TOX: variants seen among roughly 807,000 people sequenced by gnomAD.
The protein encoded by TOX is thymocyte selection-associated high mobility group box protein TOX.
TOX carries 11 observed loss-of-function variants against 53.7 expected under a neutral mutation model. That is an observed-to-expected ratio of 0.20 (90% CI 0.13 to 0.34). TOX has a LOEUF of 0.34. TOX is among the 10% of genes least tolerant of loss of function. The pLI is 1.00. For missense variants in TOX, 570 were observed against 664.6 expected (o/e 0.86, Z 1.56); for synonymous variants, 225 against 245.3 (o/e 0.92, Z 0.77).
intron 1 of TOX, among the ~76,000 whole-genome samples, chr8:59,025,482 G>A (rs962218484): frequency 2.3e-4 from 8 of 35,370 alleles, no homozygotes; most frequent in African/African-American, 4.3e-4. Context: ...CAAAGTTTAC[G>A]TTCTTAGCCA....
chr8:58,911,182 A>G (rs1159990922), intron 3 of TOX, among the ~76,000 whole-genome samples: 1 of 152,096 alleles, frequency 6.6e-6, no homozygotes, highest in East Asian at 1.9e-4. Context: ...TTAATACAGG[A>G]TGACCCATTT....
chr8:58,912,595 G>C (rs538842643), intron 3 of TOX, among the ~76,000 whole-genome samples: 1 of 152,326 alleles, frequency 6.6e-6, no homozygotes, highest in African/African-American at 2.4e-5. Flanking sequence ...TGATTGAAAA[G>C]GTCTGGGATA....
intron 1 of TOX, among the ~76,000 whole-genome samples, chr8:59,042,870 TATC>T (rs1339365060): frequency 1.3e-5 from 2 of 152,206 alleles, no homozygotes; most frequent in African/African-American, 2.4e-5. Context: ...AATGTGATGT[TATC>T]ATATACAATG....
At chr8:58,967,192 G>A (rs1044921396) in intron 1 of TOX, among the ~76,000 whole-genome samples, 1 of 152,088 alleles carries the variant, frequency 6.6e-6, no homozygotes, top group African/African-American at 2.4e-5. Flanking sequence ...CTTTTAACTA[G>A]TATTAAGTAG....
chr8:59,055,224 G>C (rs1040898925), intron 1 of TOX, among the ~76,000 whole-genome samples: 1 of 152,142 alleles, frequency 6.6e-6, no homozygotes, highest in African/African-American at 2.4e-5. Flanking sequence ...CTGCAAACAG[G>C]CCCCAGGGGA....
At chr8:58,921,015 T>A (rs939839665) in intron 3 of TOX, among the ~76,000 whole-genome samples, 1 of 152,206 alleles carries the variant, frequency 6.6e-6, no homozygotes, top group African/African-American at 2.4e-5. Context: ...ATTGATCACA[T>A]TAAGTGTCCA....
intron 1 of TOX, among the ~76,000 whole-genome samples, chr8:59,068,488 G>A (rs1267479285): frequency 6.6e-5 from 10 of 151,076 alleles, no homozygotes; most frequent in Admixed American, 2.6e-4. Flanking sequence ...AAGAAGAGAT[G>A]GAGCAGAATA....
chr8:58,914,483 G>A (rs1003234874), intron 3 of TOX, among the ~76,000 whole-genome samples: 2 of 151,992 alleles, frequency 1.3e-5, no homozygotes, highest in Non-Finnish European at 2.9e-5. Flanking sequence ...CTCATTCAGG[G>A]GTATTTTTGC....
At chr8:58,975,180 GTA>G (rs140228550) in intron 1 of TOX, among the ~76,000 whole-genome samples, 5,481 of 151,376 alleles carry the variant, frequency 0.036, 302 homozygotes, top group African/African-American at 0.12. Context: ...AAATGTATAT[GTA>G]TATATGTGTG....
At chr8:58,991,210 G>A (rs1402122429) in intron 1 of TOX, among the ~76,000 whole-genome samples, 1 of 152,158 alleles carries the variant, frequency 6.6e-6, no homozygotes, top group African/African-American at 2.4e-5. Flanking sequence ...TTGTGGTGAC[G>A]ATAAAAATAG....
intron 6 of TOX, among the ~76,000 whole-genome samples, chr8:58,825,673 A>G (rs904584692): frequency 2.6e-5 from 4 of 152,228 alleles, no homozygotes; most frequent in African/African-American, 9.6e-5. Context: ...AAGCCCCGCT[A>G]TGTTTTTGGC....
chr8:58,826,971 A>G (rs1810376584), intron 5 of TOX, 69 bp from the exon 6 acceptor site: 1 of 1,259,240 alleles, frequency 7.9e-7, no homozygotes, highest in African/African-American at 1.5e-5. Flanking sequence ...AGTACAATAT[A>G]GAATGATAAC....
chr8:58,911,390 T>G (rs1339369462), intron 3 of TOX, among the ~76,000 whole-genome samples: 1 of 152,222 alleles, frequency 6.6e-6, no homozygotes, highest in Non-Finnish European at 1.5e-5. Context: ...ACCCCAAACT[T>G]TATTCCAATT....
intron 3 of TOX, among the ~76,000 whole-genome samples, chr8:58,902,087 A>G (rs908377106): frequency 6.6e-6 from 1 of 152,208 alleles, no homozygotes; most frequent in Non-Finnish European, 1.5e-5. Context: ...TATTTTATAA[A>G]TATTTCTATA....
In TOX at chr8:58,858,097, A is replaced by C. The variant is rs149826998; in HGVS notation, c.412-6292T>G. On this transcript the variant is annotated intron_variant, in intron 3 of 8. Transcript: ENST00000361421. ...TTGGATTTTCTTTGAAAAGCAAAAG[A>C]AAAATAAAAACCCTGTGCTCATCTC... 3.6e-3 allele frequency among the ~76,000 whole-genome samples: 548 copies of C among 152,314 alleles called. 2 individuals carry two copies. Among genetic ancestry groups the C allele is most frequent in the African/African-American group, 0.013 (522 of 41,560 alleles).
At chr8:59,035,051 C>T (rs1163086497) in intron 1 of TOX, among the ~76,000 whole-genome samples, 2 of 152,110 alleles carry the variant, frequency 1.3e-5, no homozygotes, top group Non-Finnish European at 2.9e-5. Flanking sequence ...GAAGGAAAGC[C>T]ACAGGGAATG....
intron 1 of TOX, among the ~76,000 whole-genome samples, chr8:59,105,327 CTTT>C: frequency 6.6e-6 from 1 of 152,102 alleles, no homozygotes; most frequent in South Asian, 2.1e-4. Flanking sequence ...AGAATATCAT[CTTT>C]AAAAGTGAAA....
chr8:58,863,902 A>G (rs1365824018), intron 3 of TOX, among the ~76,000 whole-genome samples: 2 of 152,164 alleles, frequency 1.3e-5, no homozygotes, highest in East Asian at 3.8e-4. Flanking sequence ...CTGCTATAGA[A>G]TTGCAGAGAA....
At chr8:59,092,012 G>T (rs190596292) in intron 1 of TOX, among the ~76,000 whole-genome samples, 1 of 151,936 alleles carries the variant, frequency 6.6e-6, no homozygotes. Flanking sequence ...CACTTTGGGA[G>T]GCTGGGGCAT....
Sources: gnomAD v4.1 joint callset for allele counts (sites outside exome capture counted in the v4.1 genomes callset) on GRCh38, gnomAD v4.1.1 for gene constraint, MANE v1.5 for transcripts, NCBI Gene and HGNC (gene_info 2026-07-23, HGNC 2026-07-21) for gene names.